Variants in FBXL20 observed in about 807,000 individuals in gnomAD.
The protein encoded by FBXL20 is F-box and leucine rich repeat protein 20, also known as F-box/LRR-repeat protein 20.
Under a neutral mutation model 64.0 loss-of-function variants are expected in FBXL20, and 11 were observed. The observed-to-expected ratio is 0.17, with a 90% CI of 0.11 to 0.28. The LOEUF (loss-of-function observed/expected upper bound fraction) is 0.28, where lower values mean the gene tolerates loss of function less well. Among genes scored for constraint, FBXL20 ranks in the 10% least tolerant of loss-of-function variants. The pLI is 1.00. For synonymous variants in FBXL20, 184 were observed against 189.0 expected (o/e 0.97, Z 0.22); for missense variants, 303 against 526.2 (o/e 0.58, Z 4.15).
chr17:39,348,980 A>T (rs1341271633), intron 1 of FBXL20, among the ~76,000 whole-genome samples: 1 of 151,946 alleles, frequency 6.6e-6, no homozygotes, highest in Non-Finnish European at 1.5e-5. Flanking sequence ...GGCCGGGCAC[A>T]GCAGTTCATG....
At chr17:39,292,927 C>T (rs1037598503) in intron 6 of FBXL20, among the ~76,000 whole-genome samples, 11 of 151,060 alleles carry the variant, frequency 7.3e-5, no homozygotes, top group Non-Finnish European at 1.6e-4. Flanking sequence ...TAAGTAGCTG[C>T]GATTACAGGC....
At chr17:39,268,284 TG>T (rs1248724617) in intron 12 of FBXL20, among the ~76,000 whole-genome samples, 1 of 151,998 alleles carries the variant, frequency 6.6e-6, no homozygotes. Context: ...ATCTGGGAGG[TG>T]GAGGTTGCAG....
At chr17:39,395,025 G>A (rs1426722923) in intron 1 of FBXL20, among the ~76,000 whole-genome samples, 1 of 152,132 alleles carries the variant, frequency 6.6e-6, no homozygotes, top group Non-Finnish European at 1.5e-5. Flanking sequence ...ACAACTTTGG[G>A]AATGAAAAGA....
intron 1 of FBXL20, among the ~76,000 whole-genome samples, chr17:39,389,822 T>A (rs1456939067): frequency 4.6e-5 from 7 of 152,064 alleles, no homozygotes; most frequent in Admixed American, 4.6e-4. Flanking sequence ...TGTCTCTAAA[T>A]AAACAAATAA....
chr17:39,312,552 AC>A (rs1157546403), intron 2 of FBXL20, among the ~76,000 whole-genome samples: 3 of 134,192 alleles, frequency 2.2e-5, no homozygotes, highest in African/African-American at 5.7e-5. Flanking sequence ...TTATTTAGCA[AC>A]CCTTTAAATT....
chr17:39,384,810 T>C (rs1206189712), intron 1 of FBXL20, among the ~76,000 whole-genome samples: 1 of 151,594 alleles, frequency 6.6e-6, no homozygotes, highest in East Asian at 2.0e-4. Flanking sequence ...ATACAGAAAT[T>C]AGCTGGGCGT....
At chr17:39,370,759 C>T (rs2047909742) in intron 1 of FBXL20, among the ~76,000 whole-genome samples, 1 of 148,322 alleles carries the variant, frequency 6.7e-6, no homozygotes, top group South Asian at 2.1e-4. Flanking sequence ...CGCGCCACTG[C>T]ACTCCAGCCT....
Position 39,259,305 on chromosome 17 carries a change from A to C in FBXL20, c.*2155T>G, listed in dbSNP as rs138765222. 179 of 152,106 alleles carry C rather than the reference A, an allele frequency of 1.2e-3. 1 individual carries two copies. Among genetic ancestry groups the C allele is most frequent in the African/African-American group, 3.9e-3 (161 of 41,516 alleles). The allele number at this position is 152,106 out of a possible 1,614,324, so 9.4% of individuals were successfully genotyped here. A position where few individuals can be genotyped will look rare whatever the true frequency, so the allele number is the denominator to read the frequency against. ...ATAGCGAGACCCCATCTCTAAAAAA[A>C]TAAAATAAAATAAAATAAATAAATA... On this transcript the variant is annotated 3_prime_UTR_variant, in exon 15 of 15. Transcript: ENST00000264658.
chr17:39,332,963 GC>G (rs2047477050), intron 2 of FBXL20, among the ~76,000 whole-genome samples: 1 of 152,030 alleles, frequency 6.6e-6, no homozygotes, highest in South Asian at 2.1e-4. Flanking sequence ...ATGAATTGCT[GC>G]CTTTTTCCTT....
intron 1 of FBXL20, among the ~76,000 whole-genome samples, chr17:39,365,147 TA>T (rs937329920): frequency 6.6e-6 from 1 of 152,078 alleles, no homozygotes; most frequent in Admixed American, 6.6e-5. Context: ...CAATTTTCAT[TA>T]AAAAAAATCC....
At chr17:39,270,975 A>G in intron 10 of FBXL20, 119 bp from the exon 11 acceptor site, 1 of 781,006 alleles carries the variant, frequency 1.3e-6, no homozygotes. Context: ...TTTATAATAT[A>G]GAATGACATT....
chr17:39,367,825 C>A (rs2047875768), intron 1 of FBXL20, among the ~76,000 whole-genome samples: 1 of 150,940 alleles, frequency 6.6e-6, no homozygotes, highest in African/African-American at 2.4e-5. Context: ...GTGCACTGGC[C>A]CAATCTCAGC....
At chr17:39,362,863 C>T (rs1208436033) in intron 1 of FBXL20, among the ~76,000 whole-genome samples, 2 of 152,110 alleles carry the variant, frequency 1.3e-5, no homozygotes, top group Non-Finnish European at 2.9e-5. Context: ...AGTGATCTGC[C>T]TGCCTCGGCC....
At chr17:39,267,597 GCCAGGCA>G (rs753782514) in intron 12 of FBXL20, among the ~76,000 whole-genome samples, 16 of 152,222 alleles carry the variant, frequency 1.1e-4, no homozygotes, top group Non-Finnish European at 1.5e-5. Flanking sequence ...AAGGGTGGCA[GCCAGGCA>G]CTGCTGGAAT....
At chr17:39,304,979 A>C (rs1222028275) in intron 2 of FBXL20, among the ~76,000 whole-genome samples, 1 of 151,072 alleles carries the variant, frequency 6.6e-6, no homozygotes, top group African/African-American at 2.4e-5. Context: ...CTGGTCTCAA[A>C]CTCCTGATGT....
intron 2 of FBXL20, among the ~76,000 whole-genome samples, chr17:39,341,896 G>T (rs2338800): frequency 1.3e-5 from 2 of 152,018 alleles, no homozygotes; most frequent in Non-Finnish European, 2.9e-5. Flanking sequence ...TCAACATGTA[G>T]TAGAGTGAGG....
intron 4 of FBXL20, 49 bp downstream of exon 4, chr17:39,300,952 G>T: frequency 6.5e-7 from 1 of 1,529,950 alleles, no homozygotes; most frequent in Non-Finnish European, 9.0e-7. Flanking sequence ...TCTGTTCCAT[G>T]CTGTAATTAC....
intron 1 of FBXL20, among the ~76,000 whole-genome samples, chr17:39,390,678 G>T (rs576438341): frequency 1.8e-4 from 27 of 152,286 alleles, no homozygotes; most frequent in African/African-American, 6.5e-4. Flanking sequence ...AGTGAGCCCT[G>T]ATGTCACCAC....
intron 5 of FBXL20, 30 bp from the exon 6 acceptor site, chr17:39,297,225 A>G (rs2047094087): frequency 6.7e-7 from 1 of 1,486,402 alleles, no homozygotes. Context: ...AGAGGTTTCA[A>G]ATGAAATAGG....
Sources: gnomAD v4.1 joint callset for allele counts (sites outside exome capture counted in the v4.1 genomes callset) on GRCh38, gnomAD v4.1.1 for gene constraint, MANE v1.5 for transcripts, NCBI Gene and HGNC (gene_info 2026-07-23, HGNC 2026-07-21) for gene names.